ENTREP2: variants seen among roughly 807,000 people sequenced by gnomAD.
The protein encoded by ENTREP2 is endosomal transmembrane epsin interactor 2.
At chr15:29,231,885 C>CTTTCT in the ENTREP2 span, among the ~76,000 whole-genome samples, 1 of 129,978 alleles carries the variant, frequency 7.7e-6, no homozygotes, top group African/African-American at 3.0e-5. Flanking sequence ...GTTTTCTTTT[C>CTTTCT]TTTTCTTTCT....
chr15:29,183,323 A>G, the ENTREP2 span, among the ~76,000 whole-genome samples: 3 of 152,218 alleles, frequency 2.0e-5, no homozygotes, highest in Non-Finnish European at 2.9e-5. Flanking sequence ...GACATCGAGA[A>G]GCAAGGCTGC....
At chr15:29,571,088 C>T in the ENTREP2 span, among the ~76,000 whole-genome samples, 1 of 150,306 alleles carries the variant, frequency 6.7e-6, no homozygotes, top group South Asian at 2.1e-4. Flanking sequence ...GCCCCGCCGC[C>T]GTGCGCTGGG....
chr15:29,630,558 C>T, the ENTREP2 span, among the ~76,000 whole-genome samples: 7 of 152,134 alleles, frequency 4.6e-5, no homozygotes, highest in Non-Finnish European at 4.4e-5. Flanking sequence ...TTTCTTCTGG[C>T]GCCTTTTCAG....
At chr15:29,139,582 A>G in the ENTREP2 span, among the ~76,000 whole-genome samples, 2 of 152,244 alleles carry the variant, frequency 1.3e-5, no homozygotes, top group Non-Finnish European at 2.9e-5. Context: ...CCATTCCACC[A>G]GGAAGGAGAA....
At chr15:29,324,259 A>AT in the ENTREP2 span, among the ~76,000 whole-genome samples, 39 of 151,966 alleles carry the variant, frequency 2.6e-4, no homozygotes, top group African/African-American at 8.0e-4. Flanking sequence ...ACATCTAGCT[A>AT]TTTTTTTATT....
the ENTREP2 span, among the ~76,000 whole-genome samples, chr15:29,627,028 G>T: frequency 6.6e-6 from 1 of 151,884 alleles, no homozygotes; most frequent in East Asian, 1.9e-4. Context: ...TTCTTTTCCT[G>T]GTTTCCTGGG....
chr15:29,347,850 C>T, the ENTREP2 span, among the ~76,000 whole-genome samples: 1,455 of 152,276 alleles, frequency 9.6e-3, 13 homozygotes, highest in East Asian at 0.036. Context: ...CATGTAGACA[C>T]GGTATCTGCG....
At chr15:29,530,899 C>T in the ENTREP2 span, among the ~76,000 whole-genome samples, 1 of 152,222 alleles carries the variant, frequency 6.6e-6, no homozygotes, top group Admixed American at 6.5e-5. Context: ...CAGACACCTC[C>T]TGTAGCCTTT....
chr15:29,501,836 A>G, the ENTREP2 span, among the ~76,000 whole-genome samples: 1 of 152,054 alleles, frequency 6.6e-6, no homozygotes, highest in African/African-American at 2.4e-5. Context: ...GTGACACGAT[A>G]TAAGTTCAAT....
the ENTREP2 span, among the ~76,000 whole-genome samples, chr15:29,181,472 G>C: frequency 6.6e-6 from 1 of 152,038 alleles, no homozygotes; most frequent in African/African-American, 2.4e-5. Flanking sequence ...ACAAGGGAAA[G>C]CTTGATTCAT....
At chr15:29,408,094 G>A in the ENTREP2 span, among the ~76,000 whole-genome samples, 1 of 152,182 alleles carries the variant, frequency 6.6e-6, no homozygotes. Flanking sequence ...TTAGGTTGCA[G>A]ATTATTTTGT....
At chr15:29,311,584 G>A in the ENTREP2 span, among the ~76,000 whole-genome samples, 2 of 152,148 alleles carry the variant, frequency 1.3e-5, no homozygotes, top group African/African-American at 2.4e-5. Flanking sequence ...CAGCTACTCA[G>A]GAGGCTGAGG....
chr15:29,588,062 T>C, the ENTREP2 span, among the ~76,000 whole-genome samples: 1 of 152,204 alleles, frequency 6.6e-6, no homozygotes. Flanking sequence ...ATACAGGCAC[T>C]GAGCATCGAC....
the ENTREP2 span, among the ~76,000 whole-genome samples, chr15:29,149,994 G>A: frequency 6.6e-6 from 1 of 152,222 alleles, no homozygotes; most frequent in Non-Finnish European, 1.5e-5. Context: ...CCTTTCCCTT[G>A]CACAGTATTT....
chr15:29,278,891 A>T, the ENTREP2 span, among the ~76,000 whole-genome samples: 1 of 152,198 alleles, frequency 6.6e-6, no homozygotes, highest in Non-Finnish European at 1.5e-5. Flanking sequence ...ACAGTTCTGG[A>T]GGCTCCAAGT....
At chr15:29,330,965 CT>C in the ENTREP2 span, among the ~76,000 whole-genome samples, 2 of 152,140 alleles carry the variant, frequency 1.3e-5, no homozygotes, top group Non-Finnish European at 2.9e-5. Context: ...CAGTAAGTTG[CT>C]TTTATAAACC....
chr15:29,250,757 G>C, the ENTREP2 span, among the ~76,000 whole-genome samples: 2 of 152,140 alleles, frequency 1.3e-5, no homozygotes, highest in African/African-American at 4.8e-5. Context: ...GGAATAAAAA[G>C]GCTGGCCAAG....
At chr15:29,136,331 C>T in the ENTREP2 span, 70 of 1,466,002 alleles carry the variant, frequency 4.8e-5, no homozygotes, top group Middle Eastern at 1.5e-3. Context: ...AGCATTCCCA[C>T]GGGAACTGGC....
chr15:29,136,123 C>T, the ENTREP2 span, among the ~76,000 whole-genome samples: 9 of 152,230 alleles, frequency 5.9e-5, no homozygotes, highest in Admixed American at 2.0e-4. Context: ...CTGCAGGTGC[C>T]GCTCTCTGAG....
Sources: allele counts gnomAD v4.1 joint callset (sites outside exome capture counted in the v4.1 genomes callset), GRCh38; gene constraint gnomAD v4.1.1; transcripts MANE v1.5; gene names NCBI Gene and HGNC (gene_info 2026-07-23, HGNC 2026-07-21).